The following COL6A3 variants were observed in gnomAD, a reference collection of about 807,000 sequenced individuals.
COL6A3 encodes collagen alpha-3(VI) chain.
Under a neutral mutation model 274.1 loss-of-function variants are expected in COL6A3, and 137 were observed. The observed-to-expected ratio is 0.50, with a 90% CI of 0.44 to 0.58. The LOEUF (loss-of-function observed/expected upper bound fraction) is 0.58, where lower values mean the gene tolerates loss of function less well. Ranked by LOEUF, COL6A3 falls within the 20% of genes least tolerant of loss-of-function variation. The pLI is 0.00. For synonymous variants in COL6A3, 1,650 were observed against 1,650.6 expected (o/e 1.00, Z 0.01); for missense variants, 3,950 against 4,124.9 (o/e 0.96, Z 1.16).
Position 237,378,639 on chromosome 2 carries a change from G to C in COL6A3, c.2494C>G (p.Pro832Ala). 6.2e-7 allele frequency: 1 copy of C among 1,612,482 alleles called. No homozygotes were observed. The highest frequency in any genetic ancestry group is 8.5e-7 in the Non-Finnish European group (1 of 1,180,032). The change falls in exon 6 of 44, where the codon CCA becomes GCA. Residue 832 changes from proline to alanine, a missense_variant. Physicochemically the swap from Pro to Ala is conservative, Grantham distance 27. Around this residue, in one of 5 missense-constraint regions of COL6A3, gnomAD observed 1,934 missense variants for 1,984.3 expected, o/e 0.97. Coordinates refer to ENST00000295550, the MANE Select transcript of COL6A3 (RefSeq NM_004369.4). ...GGVEEVPLAQPESKRDILFLF... is the reference protein window; with the variant it reads ...GGVEEVPLAQAESKRDILFLF... ...CCCGGCAACAGGGGAGGTTTACCTG[G>C]CTGAGCGAGTGGTACTTCCTCCACA... is the stretch of plus-strand genomic sequence containing the variant.
At chr2:237,334,221 A>C (rs1574927418) in intron 41 of COL6A3, among the ~76,000 whole-genome samples, 1 of 151,994 alleles carries the variant, frequency 6.6e-6, no homozygotes, top group South Asian at 2.1e-4. Context: ...CACCTCCATT[A>C]CTCCCTAAGG....
chr2:237,377,450 T>G, intron 6 of COL6A3, 106 bp from the exon 7 acceptor site: 1 of 1,045,390 alleles, frequency 9.6e-7, no homozygotes, highest in Non-Finnish European at 1.5e-6. Flanking sequence ...GAAACTCATC[T>G]GATGACCACT....
chr2:237,398,574 C>A (rs2078510509), intron 1 of COL6A3, among the ~76,000 whole-genome samples: 2 of 152,196 alleles, frequency 1.3e-5, no homozygotes, highest in South Asian at 4.1e-4. Context: ...ATGCAGGATT[C>A]TGGTTTCCTT....
chr2:237,350,822 G>T lies in COL6A3; in HGVS notation c.6816+308C>A, dbSNP rs577918980. Among the ~76,000 whole-genome samples the T allele has an allele frequency of 3.2e-4, 48 of 152,360 alleles. No individual in the cohort carries two copies. In the South Asian group the frequency reaches 9.5e-3, roughly 30 times the overall value. On this transcript the variant is annotated intron_variant, in intron 27 of 43. Transcript: ENST00000295550. ...CGGCTGCTCTGATGGCTCAGAGGGT[G>T]CTGCACTATTGGCACAAGCCAAGCA...
chr2:237,388,114 G>A lies in COL6A3; in HGVS notation c.780C>T (p.Val260=). Residue 260 remains valine, a synonymous_variant, in exon 4 of 44, where the codon GTC becomes GTT. Coordinates refer to ENST00000295550, the MANE Select transcript of COL6A3 (RefSeq NM_004369.4). ...GGAGATTTACAAGGAAGTCGAGAAT[G>A]ACTGCGAAATTGACACTTCCGGTGT... ...SNNTGSVNFA[V]ILDFLVNLLE... is the part of the protein sequence containing the mutation. The A allele has an allele frequency of 6.2e-7, 1 of 1,614,218 alleles. No homozygotes were observed. The highest frequency in any genetic ancestry group is 8.5e-7 in the Non-Finnish European group (1 of 1,180,042).
intron 38 of COL6A3, 119 bp downstream of exon 38, chr2:237,340,333 C>T (rs1574938754): frequency 2.1e-6 from 2 of 961,262 alleles, no homozygotes; most frequent in Non-Finnish European, 3.2e-6. Flanking sequence ...TATGTCTGTT[C>T]AATGAATGAA....
In COL6A3 at chr2:237,353,342, T is replaced by G. The variant is rs764721326; in HGVS notation, c.6689A>C (p.Gln2230Pro). The change falls in exon 25 of 44, where the codon CAG (glutamine) becomes CCG (proline). Residue 2230 changes from glutamine (Q) to proline (P), a missense_variant and splice_region_variant. Physicochemically the swap from Gln to Pro is moderately conservative, Grantham distance 76. Transcript: ENST00000295550. The part of the protein sequence containing the change: ...FEGEQGTRGA[Q>P]GPAGPAGPPG... ...ACAGTCACACACGGAAGCACTCACC[T>G]GTGCACCTCTGGTCCCCTGCTCTCC... The G allele has an allele frequency of 1.2e-6, 2 of 1,614,084 alleles. No homozygotes were observed. The highest frequency in any genetic ancestry group is 4.5e-5 in the East Asian group (2 of 44,890).
intron 21 of COL6A3, 118 bp from the exon 22 acceptor site, chr2:237,358,000 C>A (rs2077355236): frequency 1.1e-5 from 10 of 948,114 alleles, no homozygotes; most frequent in Non-Finnish European, 1.7e-5. Context: ...GAGGGACAAG[C>A]CCTTCGGCCA....
chr2:237,339,769 C>T (rs1033691311), intron 38 of COL6A3, among the ~76,000 whole-genome samples: 15 of 152,176 alleles, frequency 9.9e-5, no homozygotes, highest in African/African-American at 3.4e-4. Context: ...CTATAATAGG[C>T]TGCACCTCCT....
intron 1 of COL6A3, among the ~76,000 whole-genome samples, chr2:237,406,497 A>G (rs1364383338): frequency 6.6e-6 from 1 of 152,180 alleles, no homozygotes; most frequent in African/African-American, 2.4e-5. Flanking sequence ...GTCAAAGACC[A>G]CAGTGGGAGA....
chr2:237,348,227 T>C (rs979803453), intron 30 of COL6A3, 122 bp downstream of exon 30: 8 of 858,084 alleles, frequency 9.3e-6, no homozygotes, highest in Non-Finnish European at 1.6e-5. Context: ...TTTCTCAGGG[T>C]AGCCCAGTTA....
Position 237,368,565 on chromosome 2 carries a change from G to T in COL6A3, c.4898C>A (p.Pro1633Gln). 6.2e-7 allele frequency: 1 copy of T among 1,614,140 alleles called. No homozygotes were observed. The change falls in exon 10 of 44, where the codon CCA (proline) becomes CAA (glutamine). Residue 1633 changes from proline (P) to glutamine (Q), a missense_variant and splice_region_variant. Pro to Gln is a moderately conservative substitution (Grantham distance 76). Coordinates refer to ENST00000295550, the MANE Select transcript of COL6A3 (RefSeq NM_004369.4). The surrounding 1 kb of genome is among the most constrained non-coding windows in gnomAD (Gnocchi z 4.4). ...PGVDTPPPSR[P>Q]EKKKADIVFL... ...GTCATGGGTCACACGGTGCATACCT[G>T]GCCGTGAAGGAGGAGGGGTGTCCAC...
rs745420792 is a variant in COL6A3, at chr2:237,371,932, A to T, written c.4085T>A (p.Phe1362Tyr). 5.6e-5 allele frequency: 90 copies of T among 1,613,966 alleles called. No homozygotes were observed. The East Asian group carries it at 2.0e-3, about 36-fold the overall frequency. The change falls in exon 9 of 44, where the codon TTT (phenylalanine) becomes TAT (tyrosine). Residue 1362 changes from phenylalanine (F) to tyrosine (Y), a missense_variant. Phe to Tyr is a conservative substitution (Grantham distance 22). Coordinates refer to ENST00000295550, the MANE Select transcript of COL6A3 (RefSeq NM_004369.4). This position sits in a 1 kb window ranked among gnomAD's most constrained non-coding sequence, Gnocchi z 4.3. ...VDDPAVELKQ[F>Y]GVAPFTIARN... The stretch of plus-strand genomic sequence containing the variant: ...GGCGATCGTGAAAGGGGCCACGCCA[A>T]ACTGCTTGAGCTCCACCGCCGGGTC...
At position 237,396,728 on chromosome 2, in the gene COL6A3, TGCTTGC is replaced by T; in HGVS notation, c.84_89del (p.Gln29_Ala30del). 6.2e-7 allele frequency: 1 copy of T among 1,614,118 alleles called. No homozygotes were observed. Among genetic ancestry groups the T allele is most frequent in the Admixed American group, 1.7e-5 (1 of 60,018 alleles). On this transcript the variant is annotated inframe_deletion and splice_region_variant, in exon 2 of 44. Coordinates refer to ENST00000295550, the MANE Select transcript of COL6A3 (RefSeq NM_004369.4). ...ATCAAGGACGTTTCTGGCTCTTACC[TGCTTGC>T]TGCTGCTGGGCATGAGTTGTAGGAA...
rs1204575404 is a variant in COL6A3 at position 237,334,792 on chromosome 2, G to T, written c.9063C>A (p.Asp3021Glu). ...RAEPPGPYFY[D>E]LTVTSAHDQS... ...GATCATGGGCTGAGGTGACGGTGAG[G>T]TCATAAAAATAAGGACCGGGGGGCT... The change falls in exon 41 of 44, where the codon GAC becomes GAA. Residue 3021 changes from aspartate to glutamate, a missense_variant. Physicochemically the swap from Asp to Glu is conservative, Grantham distance 45. Coordinates refer to ENST00000295550, the MANE Select transcript of COL6A3 (RefSeq NM_004369.4). The T allele has an allele frequency of 1.9e-6, 3 of 1,614,192 alleles. No homozygotes were observed. Among genetic ancestry groups the T allele is most frequent in the East Asian group, 2.2e-5 (1 of 44,878 alleles).
rs1295105927 is a variant in COL6A3, at chr2:237,371,720, C to G, written c.4285+12G>C. 2 of 1,579,350 alleles carry G rather than the reference C, an allele frequency of 1.3e-6. No homozygotes were observed. The highest frequency in any genetic ancestry group is 4.5e-5 in the East Asian group (2 of 44,368). ...AATGCTCCAAGGAGAACCTCCGACG[C>G]CCCCATCTCACCTGGAGGTGGATAG... is the stretch of plus-strand genomic sequence containing the variant. On this transcript the variant is annotated intron_variant, in intron 9 of 43. Coordinates refer to ENST00000295550, the MANE Select transcript of COL6A3 (RefSeq NM_004369.4). The surrounding 1 kb of genome is among the most constrained non-coding windows in gnomAD (Gnocchi z 4.3).
Position 237,387,746 on chromosome 2 carries a change from G to T in COL6A3, c.1148C>A (p.Ala383Asp). Residue 383 changes from alanine (A) to aspartate (D), a missense_variant, in exon 4 of 44, where the codon GCC becomes GAC. Physicochemically the swap from Ala to Asp is moderately radical, Grantham distance 126. This residue lies in a region of COL6A3 where 1,934 missense variants were observed against 1,984.3 expected (regional missense o/e 0.97). Coordinates refer to ENST00000295550, the MANE Select transcript of COL6A3 (RefSeq NM_004369.4). Reference sequence around the variant, plus strand: ...GTGCTGAAGCTCTGCCCTGGAGGCGGCCTGGGCTCCAAGGCCGAATGAGAA... The same window carrying T: ...GTGCTGAAGCTCTGCCCTGGAGGCGTCCTGGGCTCCAAGGCCGAATGAGAA... ...SVFSFGLGAQAASRAELQHIA... is the reference protein window; with the variant it reads ...SVFSFGLGAQDASRAELQHIA... 5 of 1,613,956 alleles carry T rather than the reference G, an allele frequency of 3.1e-6. No individual in the cohort carries two copies. Among genetic ancestry groups the T allele is most frequent in the Non-Finnish European group, 4.2e-6 (5 of 1,179,922 alleles).
At chr2:237,373,095 G>A (rs1290947138) in intron 8 of COL6A3, among the ~76,000 whole-genome samples, 1 of 152,182 alleles carries the variant, frequency 6.6e-6, no homozygotes, top group Admixed American at 6.5e-5. Flanking sequence ...TGGGTCAGGA[G>A]AGGTGTGAGA....
At chr2:237,349,296 G>A (rs1445406794) in intron 28 of COL6A3, among the ~76,000 whole-genome samples, 4 of 152,200 alleles carry the variant, frequency 2.6e-5, no homozygotes, top group African/African-American at 4.8e-5. Flanking sequence ...TGTAGGAATT[G>A]CCACTTAGTT....
Sources: allele counts gnomAD v4.1 joint callset (sites outside exome capture counted in the v4.1 genomes callset), GRCh38; gene constraint gnomAD v4.1.1; regional missense constraint gnomAD v4.1.1; non-coding constraint Gnocchi (gnomAD v3.1); transcripts MANE v1.5; gene names NCBI Gene and HGNC (gene_info 2026-07-23, HGNC 2026-07-21).